AGMO: variants seen among roughly 807,000 people sequenced by gnomAD.
AGMO encodes glyceryl-ether monooxygenase.
A neutral mutation model predicts 60.2 loss-of-function variants in AGMO; 75 were observed. That is an observed-to-expected ratio of 1.25 (90% confidence interval 1.03 to 1.51). The LOEUF is 1.51. AGMO is among the 40% of genes most tolerant of loss of function. The pLI, the probability that AGMO is intolerant of heterozygous loss-of-function variation, is 0.00. For synonymous variants in AGMO, 261 were observed against 177.1 expected (o/e 1.47, Z -3.76); for missense variants, 763 against 525.5 (o/e 1.45, Z -4.42).
chr7:15,216,985 A>G (rs905364626), intron 12 of AGMO, among the ~76,000 whole-genome samples: 2 of 152,136 alleles, frequency 1.3e-5, no homozygotes, highest in African/African-American at 2.4e-5. Flanking sequence ...CACAGACACA[A>G]AACTCTCTTT....
chr7:15,365,730 A>G (rs745481679), intron 11 of AGMO, 111 bp from the exon 12 acceptor site: 8 of 732,308 alleles, frequency 1.1e-5, no homozygotes, highest in Non-Finnish European at 1.8e-5. Context: ...GTATTTTAAT[A>G]TATTTGAAAA....
chr7:15,211,535 T>C (rs575401656), intron 12 of AGMO, among the ~76,000 whole-genome samples: 5 of 151,512 alleles, frequency 3.3e-5, no homozygotes, highest in African/African-American at 1.2e-4. Flanking sequence ...ATGGACCCTG[T>C]CCTTTTACAA....
chr7:15,401,613 T>G (rs1784554163), intron 5 of AGMO, among the ~76,000 whole-genome samples: 1 of 152,150 alleles, frequency 6.6e-6, no homozygotes, highest in African/African-American at 2.4e-5. Flanking sequence ...AATATGTTAT[T>G]GAAAAGTCAT....
intron 3 of AGMO, among the ~76,000 whole-genome samples, chr7:15,443,090 T>C (rs1781604296): frequency 6.6e-6 from 1 of 152,216 alleles, no homozygotes. Flanking sequence ...AATAAAACCT[T>C]GCACTCATTG....
At chr7:15,467,071 C>A (rs1050116989) in intron 3 of AGMO, among the ~76,000 whole-genome samples, 2 of 151,962 alleles carry the variant, frequency 1.3e-5, no homozygotes, top group African/African-American at 4.8e-5. Flanking sequence ...TAATATAGTT[C>A]TATAATACTG....
Position 15,219,213 on chromosome 7 carries a change from G to A in AGMO, c.1264-17854C>T, listed in dbSNP as rs1264811344. On this transcript the variant is annotated intron_variant, in intron 12 of 12. Transcript: ENST00000342526. ...GGCCATTTCTACTCTTACGGGGTTTGAATTAGTGCAGATAATACAGATCTT... is the reference window on the plus strand; with the variant it reads ...GGCCATTTCTACTCTTACGGGGTTTAAATTAGTGCAGATAATACAGATCTT... 2.0e-5 allele frequency among the ~76,000 whole-genome samples: 3 copies of A among 152,140 alleles called. No individual in the cohort carries two copies. In the East Asian group the frequency reaches 5.8e-4, roughly 29 times the overall value.
chr7:15,136,050 A>G, the AGMO span, among the ~76,000 whole-genome samples: 7 of 136,654 alleles, frequency 5.1e-5, no homozygotes, highest in Non-Finnish European at 9.1e-5. Flanking sequence ...CTGGAGTGCA[A>G]TGGTGTGATC....
chr7:15,316,062 A>T (rs1284559534), intron 12 of AGMO, among the ~76,000 whole-genome samples: 1 of 152,166 alleles, frequency 6.6e-6, no homozygotes. Flanking sequence ...ACGCCAGGGA[A>T]TGACCCTAAC....
chr7:15,280,219 G>A (rs1298893603), intron 12 of AGMO, among the ~76,000 whole-genome samples: 3 of 152,164 alleles, frequency 2.0e-5, no homozygotes, highest in Non-Finnish European at 2.9e-5. Context: ...TTAGTTCTGA[G>A]CACAGACTGC....
intron 5 of AGMO, among the ~76,000 whole-genome samples, chr7:15,401,034 C>G (rs10230083): frequency 0.045 from 6,805 of 151,952 alleles, 262 homozygotes; most frequent in African/African-American, 0.099. Flanking sequence ...AATAATTTTC[C>G]TATGGAAATT....
the AGMO span, among the ~76,000 whole-genome samples, chr7:15,163,179 T>C: frequency 2.0e-5 from 3 of 152,194 alleles, no homozygotes; most frequent in Admixed American, 6.5e-5. Flanking sequence ...TTTTGTATCC[T>C]GAAAATTTAC....
At chr7:15,317,985 T>A (rs1780990987) in intron 12 of AGMO, among the ~76,000 whole-genome samples, 1 of 148,586 alleles carries the variant, frequency 6.7e-6, no homozygotes, top group Admixed American at 6.9e-5. Context: ...CACGTATATA[T>A]ATATACACGT....
At chr7:15,341,506 TCAA>T (rs1781845772) in intron 12 of AGMO, among the ~76,000 whole-genome samples, 1 of 152,152 alleles carries the variant, frequency 6.6e-6, no homozygotes, top group Non-Finnish European at 1.5e-5. Context: ...TCAAGGACAT[TCAA>T]CAAGTCTCTA....
At chr7:15,545,010 A>G (rs556060770) in intron 2 of AGMO, 87 bp from the exon 3 acceptor site, 21 of 916,828 alleles carry the variant, frequency 2.3e-5, no homozygotes, top group Middle Eastern at 3.8e-4. Context: ...TTTAAAATTA[A>G]TATCTTCATA....
intron 3 of AGMO, among the ~76,000 whole-genome samples, chr7:15,440,165 T>G (rs1781511021): frequency 6.6e-6 from 1 of 152,160 alleles, no homozygotes; most frequent in Non-Finnish European, 1.5e-5. Context: ...ATATGGTACT[T>G]ATGTCCAATA....
intron 12 of AGMO, among the ~76,000 whole-genome samples, chr7:15,213,115 T>G (rs138838514): frequency 1.4e-4 from 22 of 152,096 alleles, no homozygotes; most frequent in African/African-American, 4.3e-4. Flanking sequence ...ATAGATCTTT[T>G]TTAAAATTCA....
chr7:15,475,306 G>A (rs1487280731), intron 3 of AGMO, among the ~76,000 whole-genome samples: 1 of 152,066 alleles, frequency 6.6e-6, no homozygotes, highest in Non-Finnish European at 1.5e-5. Context: ...GCCCATCAAT[G>A]ACAGACTGGA....
intron 12 of AGMO, among the ~76,000 whole-genome samples, chr7:15,302,977 G>T (rs909273420): frequency 4.6e-5 from 7 of 152,158 alleles, no homozygotes; most frequent in Non-Finnish European, 8.8e-5. Flanking sequence ...AAACTTGGTT[G>T]TATTCAGTGA....
In AGMO at chr7:15,299,485, A is replaced by G. The variant is rs978861110; in HGVS notation, c.1263+66029T>C. On this transcript the variant is annotated intron_variant, in intron 12 of 12. Coordinates refer to ENST00000342526, the MANE Select transcript of AGMO (RefSeq NM_001004320.2). The stretch of plus-strand genomic sequence containing the variant: ...TACTAAGGACTGATATCCATTTCTC[A>G]TGCGAGCATTCACTAAGGGCTAATG... Among the ~76,000 whole-genome samples the G allele has an allele frequency of 3.2e-4, 48 of 152,100 alleles. 1 individual carries two copies. The highest frequency in any genetic ancestry group is 1.1e-3 in the African/African-American group (46 of 41,432).
Sources: allele counts gnomAD v4.1 joint callset (sites outside exome capture counted in the v4.1 genomes callset), GRCh38; gene constraint gnomAD v4.1.1; transcripts MANE v1.5; gene names NCBI Gene and HGNC (gene_info 2026-07-23, HGNC 2026-07-21).